The following NRCAM variants were observed in gnomAD, a reference collection of about 807,000 sequenced individuals.
The protein encoded by NRCAM is NgCAM-related cell adhesion molecule.
In NRCAM, 83 loss-of-function variants were observed where a neutral mutation model predicts 156.5. The ratio of observed to expected loss-of-function variants is 0.53; its 90% CI spans 0.44 to 0.64. NRCAM has a LOEUF of 0.64. Ranked by LOEUF, NRCAM falls within the 30% of genes least tolerant of loss-of-function variation. The pLI, the probability that NRCAM is intolerant of heterozygous loss-of-function variation, is 0.00. For synonymous variants in NRCAM, 538 were observed against 563.9 expected (o/e 0.95, Z 0.65); for missense variants, 1,417 against 1,597.3 (o/e 0.89, Z 1.92).
chr7:108,391,467 T>C (rs2099759592), intron 2 of NRCAM, among the ~76,000 whole-genome samples: 1 of 152,096 alleles, frequency 6.6e-6, no homozygotes, highest in Non-Finnish European at 1.5e-5. Flanking sequence ...CCTATGTGTG[T>C]CTCTGCATGT....
At position 108,357,992 on chromosome 7, in the gene NRCAM, G is replaced by T. The variant is rs560422059; in HGVS notation, c.-174+41444C>A. Among the ~76,000 whole-genome samples the T allele has an allele frequency of 5.3e-5, 8 of 152,238 alleles. No homozygotes were observed. In the South Asian group the frequency reaches 1.7e-3, roughly 32 times the overall value. On this transcript the variant is annotated intron_variant, in intron 2 of 32. Transcript: ENST00000379028. ...TCATCCCTACGGATTGGCTTGTCCT[G>T]ACAATGTGTAAAATCTCAGGGAAGA...
chr7:108,257,611 A>T (rs762481737), intron 3 of NRCAM, among the ~76,000 whole-genome samples: 1 of 151,364 alleles, frequency 6.6e-6, no homozygotes, highest in African/African-American at 2.4e-5. Flanking sequence ...ACAGCAGCCT[A>T]CTCTAATGAA....
intron 4 of NRCAM, among the ~76,000 whole-genome samples, chr7:108,239,456 T>A (rs1295200902): frequency 1.3e-5 from 2 of 152,208 alleles, no homozygotes; most frequent in African/African-American, 4.8e-5. Context: ...TCAAGAGAAA[T>A]GAATTCTGGG....
At chr7:108,277,341 G>T (rs2097675778) in intron 3 of NRCAM, among the ~76,000 whole-genome samples, 1 of 152,104 alleles carries the variant, frequency 6.6e-6, no homozygotes, top group African/African-American at 2.4e-5. Flanking sequence ...TTCTAACTTG[G>T]TTCCATTCTC....
intron 2 of NRCAM, among the ~76,000 whole-genome samples, chr7:108,316,057 T>G (rs148365610): frequency 1.3e-5 from 2 of 152,214 alleles, no homozygotes; most frequent in Non-Finnish European, 2.9e-5. Flanking sequence ...CTTCACAAAG[T>G]TCATATGTGG....
Position 108,189,628 on chromosome 7 carries a change from C to T in NRCAM, c.2035+17G>A. ...GCCATTTAGTTGATCGGAAATAGAG[C>T]AAATAATACCACATACTTGTAATGG... is the stretch of plus-strand genomic sequence containing the variant. On this transcript the variant is annotated intron_variant, in intron 20 of 32. Coordinates refer to ENST00000379028, the MANE Select transcript of NRCAM (RefSeq NM_001037132.4). 9.7e-7 allele frequency: 1 copy of T among 1,027,080 alleles called. No homozygotes were observed. 63.6% of individuals were successfully genotyped at this position (1,027,080 alleles called of 1,614,324 possible). A position where few individuals can be genotyped will look rare whatever the true frequency, so the allele number is the denominator to read the frequency against.
chr7:108,255,929 C>T (rs1168517438), intron 3 of NRCAM, among the ~76,000 whole-genome samples: 1,282 of 125,068 alleles, frequency 0.01, no homozygotes, highest in African/African-American at 0.024. Flanking sequence ...GCAGCCCCCA[C>T]CCAGCCAGCC....
At chr7:108,385,714 G>A (rs1045761824) in intron 2 of NRCAM, among the ~76,000 whole-genome samples, 2 of 152,174 alleles carry the variant, frequency 1.3e-5, no homozygotes, top group Non-Finnish European at 2.9e-5. Context: ...TCCTTCATGG[G>A]ATGGAGGGCC....
chr7:108,300,898 A>T (rs547040734), intron 3 of NRCAM, among the ~76,000 whole-genome samples: 110 of 152,306 alleles, frequency 7.2e-4, no homozygotes, highest in Non-Finnish European at 1.2e-3. Flanking sequence ...AGCTTTTCTT[A>T]AAAAATTATG....
intron 2 of NRCAM, among the ~76,000 whole-genome samples, chr7:108,384,543 G>C (rs1352216064): frequency 7.4e-4 from 112 of 152,174 alleles, no homozygotes; most frequent in Non-Finnish European, 8.8e-5. Flanking sequence ...TTTGGCAGAG[G>C]AGATTTGAAG....
At chr7:108,335,127 C>A (rs1361781775) in intron 2 of NRCAM, among the ~76,000 whole-genome samples, 2 of 152,074 alleles carry the variant, frequency 1.3e-5, no homozygotes, top group African/African-American at 4.8e-5. Flanking sequence ...AGCCACAGAG[C>A]AAGAAAATTA....
chr7:108,175,438 A>T (rs2060114352), intron 27 of NRCAM, 81 bp from the exon 28 acceptor site: 1 of 1,217,206 alleles, frequency 8.2e-7, no homozygotes, highest in African/African-American at 1.5e-5. Context: ...ATACAAAAAC[A>T]CTTATTAAAA....
intron 2 of NRCAM, among the ~76,000 whole-genome samples, chr7:108,333,557 G>C (rs2099148258): frequency 6.6e-6 from 1 of 151,996 alleles, no homozygotes; most frequent in South Asian, 2.1e-4. Flanking sequence ...CCTGTTCTTA[G>C]AAAAAAATTT....
intron 1 of NRCAM, among the ~76,000 whole-genome samples, chr7:108,422,673 C>T (rs1225230732): frequency 6.6e-6 from 1 of 152,176 alleles, no homozygotes; most frequent in African/African-American, 2.4e-5. Context: ...AGTGAATCTA[C>T]ACCCCCATAA....
At chr7:108,177,864 G>A (rs2061541996) in intron 26 of NRCAM, 126 bp downstream of exon 26, 1 of 765,208 alleles carries the variant, frequency 1.3e-6, no homozygotes, top group Non-Finnish European at 2.0e-6. Flanking sequence ...GAATTCCCCT[G>A]ATCTGATCAC....
intron 1 of NRCAM, among the ~76,000 whole-genome samples, chr7:108,429,085 G>T (rs1350224274): frequency 6.6e-6 from 1 of 152,082 alleles, no homozygotes; most frequent in African/African-American, 2.4e-5. Context: ...TTCTATATAT[G>T]TCCTTAATTG....
At chr7:108,239,035 C>CTA (rs1184048539) in intron 4 of NRCAM, among the ~76,000 whole-genome samples, 2 of 152,070 alleles carry the variant, frequency 1.3e-5, no homozygotes, top group Non-Finnish European at 2.9e-5. Context: ...AACAGATATT[C>CTA]TATTCAGGAA....
intron 3 of NRCAM, among the ~76,000 whole-genome samples, chr7:108,240,699 G>A (rs1028666514): frequency 1.3e-4 from 19 of 151,912 alleles, no homozygotes; most frequent in East Asian, 5.8e-4. Flanking sequence ...CTCTGAGTTC[G>A]GGCCTTCCTC....
intron 28 of NRCAM, among the ~76,000 whole-genome samples, chr7:108,169,704 C>T (rs927168700): frequency 6.6e-5 from 10 of 152,028 alleles, no homozygotes; most frequent in South Asian, 4.1e-4. Flanking sequence ...TTTAGTTTTC[C>T]GAGATTTTCT....
Sources: gnomAD v4.1 joint callset for allele counts (sites outside exome capture counted in the v4.1 genomes callset) on GRCh38, gnomAD v4.1.1 for gene constraint, MANE v1.5 for transcripts, NCBI Gene and HGNC (gene_info 2026-07-23, HGNC 2026-07-21) for gene names.